ASTE1: variants seen among roughly 807,000 people sequenced by gnomAD.
ASTE1 encodes asteroid structure-specific endonuclease 1.
A neutral mutation model predicts 45.8 loss-of-function variants in ASTE1; 49 were observed. That is an observed-to-expected ratio of 1.07 (90% CI 0.85 to 1.36). ASTE1 has a LOEUF of 1.36. Ranked by LOEUF, ASTE1 falls within the 40% of genes most tolerant of loss-of-function variation. The pLI is 0.00. For missense variants in ASTE1, 709 were observed against 804.0 expected, an observed-to-expected ratio of 0.88 and a Z score of 1.43; for synonymous variants, 296 against 303.9, an observed-to-expected ratio of 0.97 and a Z score of 0.27.
rs1334412545 is a variant in ASTE1 at position 131,014,141 on chromosome 3, CTT to C, written c.1954_1955del (p.Lys652ValfsTer4). ...KNRGRTTAHT[K>X]CWYEGNNRFG... Reference sequence around the variant, plus strand: ...ACCGGTTGTTTCCCTCATACCAACACTTGGTGTGTGCAGTGGTTCTCCCTCTG... The same window carrying C: ...ACCGGTTGTTTCCCTCATACCAACACGGTGTGTGCAGTGGTTCTCCCTCTG... On this transcript the variant is annotated frameshift_variant, in exon 6 of 6. Transcript: ENST00000264992. LOFTEE classifies it low-confidence loss of function (END_TRUNC). 2.5e-6 allele frequency: 4 copies of C among 1,613,704 alleles called. No individual in the cohort carries two copies. In the East Asian group the frequency reaches 8.9e-5, roughly 36 times the overall value.
Position 131,018,641 on chromosome 3 carries a change from T to G in ASTE1, c.1378A>C (p.Thr460Pro). The G allele has an allele frequency of 6.2e-7, 1 of 1,614,084 alleles. No individual in the cohort carries two copies. Among genetic ancestry groups the G allele is most frequent in the Non-Finnish European group, 8.5e-7 (1 of 1,180,002 alleles). The change falls in exon 4 of 6, where the codon ACT becomes CCT. Residue 460 changes from threonine to proline, a missense_variant. By Grantham distance (38) the Thr-to-Pro change is conservative. Transcript: ENST00000264992. Reference protein sequence around the residue: ...VKQTILEPIPTSLKLPIAVSC... With the variant: ...VKQTILEPIPPSLKLPIAVSC... ...ACAGCAATGGGCAACTTCAGTGAAG[T>G]AGGGATTGGCTCCAGAATGGTCTGT... is the stretch of plus-strand genomic sequence containing the variant.
At chr3:131,021,048 G>A (rs968498210) in intron 3 of ASTE1, among the ~76,000 whole-genome samples, 5 of 152,124 alleles carry the variant, frequency 3.3e-5, no homozygotes, top group African/African-American at 9.7e-5. Flanking sequence ...TTTCATGACC[G>A]TGGAGTAGGC....
Position 131,014,049 on chromosome 3 carries a change from A to G in ASTE1, c.*8T>C. On this transcript the variant is annotated 3_prime_UTR_variant, in exon 6 of 6. Transcript: ENST00000264992. ...ATTAAATACATCTAGTTTGATGCAA[A>G]CTGAGTTTTATTCAATGTTGGAGGC... 2 of 1,542,700 alleles carry G rather than the reference A, an allele frequency of 1.3e-6. No homozygotes were observed. Among genetic ancestry groups the G allele is most frequent in the Non-Finnish European group, 1.8e-6 (2 of 1,142,214 alleles).
Position 131,025,204 on chromosome 3 carries a change from G to C in ASTE1, c.103C>G (p.Leu35Val). The C allele has an allele frequency of 6.2e-7, 1 of 1,614,180 alleles. No individual in the cohort carries two copies. The highest frequency in any genetic ancestry group is 8.5e-7 in the Non-Finnish European group (1 of 1,180,036). ...DTKIVIDGYALFHRLCFSSNL... is the reference protein window; with the variant it reads ...DTKIVIDGYAVFHRLCFSSNL... The stretch of plus-strand genomic sequence containing the variant: ...GAACTGAAGCAAAGACGGTGGAAAA[G>C]AGCATAACCATCAATGACAATTTTT... The change falls in exon 3 of 6, where the codon CTT becomes GTT. Residue 35 changes from leucine (L) to valine (V), a missense_variant. Leu to Val is a conservative substitution (Grantham distance 32). Transcript: ENST00000264992.
intron 3 of ASTE1, among the ~76,000 whole-genome samples, chr3:131,020,352 G>T (rs1410991303): frequency 6.6e-6 from 1 of 152,152 alleles, no homozygotes; most frequent in Admixed American, 6.5e-5. Flanking sequence ...TTCCCCAGGG[G>T]GAGCGAAAGC....
intron 3 of ASTE1, among the ~76,000 whole-genome samples, chr3:131,020,233 A>G (rs955488769): frequency 6.6e-5 from 10 of 152,320 alleles, no homozygotes; most frequent in African/African-American, 2.2e-4. Context: ...CTTGTATAAG[A>G]TGTTTCATCA....
chr3:131,015,162 A>C (rs909718402), intron 5 of ASTE1: 10 of 699,624 alleles, frequency 1.4e-5, no homozygotes, highest in Non-Finnish European at 2.3e-5. Context: ...AACACTGTTT[A>C]CTGCCAGGAG....
In ASTE1 at chr3:131,024,350, A is replaced by C; in HGVS notation, c.957T>G (p.Asp319Glu). Residue 319 changes from aspartate (D) to glutamate (E), a missense_variant, in exon 3 of 6, where the codon GAT becomes GAG. By Grantham distance (45) the Asp-to-Glu change is conservative (BLOSUM62 2). Coordinates refer to ENST00000264992, the MANE Select transcript of ASTE1 (RefSeq NM_014065.4). ...ATTCTGGTAAACCAAGATTCAAGGC[A>C]TCTGGACAGACATAAGTACCACACT... ...FFQCGTYVCPDALNLGLPEWV... is the reference protein window; with the variant it reads ...FFQCGTYVCPEALNLGLPEWV... The C allele has an allele frequency of 6.2e-7, 1 of 1,614,264 alleles. No homozygotes were observed. Among genetic ancestry groups the C allele is most frequent in the Non-Finnish European group, 8.5e-7 (1 of 1,180,046 alleles).
intron 3 of ASTE1, among the ~76,000 whole-genome samples, chr3:131,019,161 G>C (rs2063709005): frequency 6.6e-6 from 1 of 152,242 alleles, no homozygotes; most frequent in South Asian, 2.1e-4. Flanking sequence ...GTATGTGCCT[G>C]TGCAACAGGC....
In ASTE1 at chr3:131,014,391, T is replaced by A. The variant is rs1242188390; in HGVS notation, c.1710-4A>T. 6.4e-7 allele frequency: 1 copy of A among 1,556,988 alleles called. No homozygotes were observed. The highest frequency in any genetic ancestry group is 2.1e-5 in the Admixed American group (1 of 47,562). On this transcript the variant is annotated splice_region_variant and splice_polypyrimidine_tract_variant and intron_variant, in intron 5 of 5. Transcript: ENST00000264992. Reference sequence around the variant, plus strand: ...CACCAGGCTTCCACTGTACAGTCTGTTCAAAGCAAGAAAAAAGTATGTTGT... The same window carrying A: ...CACCAGGCTTCCACTGTACAGTCTGATCAAAGCAAGAAAAAAGTATGTTGT...
At position 131,025,250 on chromosome 3, in the gene ASTE1, A is replaced by C; in HGVS notation, c.57T>G (p.Thr19=). The change falls in exon 3 of 6, where the codon ACT becomes ACG. Residue 19 remains threonine, a synonymous_variant. Coordinates refer to ENST00000264992, the MANE Select transcript of ASTE1 (RefSeq NM_014065.4). Reference sequence around the variant, plus strand: ...TTTTTGTGTCCCGCAACTTCAAATCAGTGAAGAACTCATTACTATGATCTT... The same window carrying C: ...TTTTTGTGTCCCGCAACTTCAAATCCGTGAAGAACTCATTACTATGATCTT... ...FVEDHSNEFF[T]DLKLRDTKIV... The C allele has an allele frequency of 3.7e-6, 6 of 1,614,226 alleles. No individual in the cohort carries two copies. The highest frequency in any genetic ancestry group is 5.1e-6 in the Non-Finnish European group (6 of 1,180,034).
rs369290731 is a variant in ASTE1, at chr3:131,024,915, C to A, written c.392G>T (p.Arg131Leu). 1 of 1,613,932 alleles carries A rather than the reference C, an allele frequency of 6.2e-7. No homozygotes were observed. Among genetic ancestry groups the A allele is most frequent in the Non-Finnish European group, 8.5e-7 (1 of 1,179,936 alleles). ...EVFIQVLIKL[R>L]VCFVQCFSEA... The stretch of plus-strand genomic sequence containing the variant: ...TGAAAAGCACTGGACAAAACACACC[C>A]GCAGCTTGATCAAAACCTGTATGAA... The change falls in exon 3 of 6, where the codon CGG becomes CTG. Residue 131 changes from arginine (R) to leucine (L), a missense_variant. By Grantham distance (102) the Arg-to-Leu change is moderately radical (BLOSUM62 -2). Transcript: ENST00000264992.
chr3:131,014,832 CAA>C lies in ASTE1; in HGVS notation c.1710-447_1710-446del, dbSNP rs781773154. 2.6e-5 allele frequency among the ~76,000 whole-genome samples: 4 copies of C among 152,174 alleles called. No homozygotes were observed. The South Asian group carries it at 6.2e-4, about 24-fold the overall frequency. On this transcript the variant is annotated intron_variant, in intron 5 of 5. Transcript: ENST00000264992. The stretch of plus-strand genomic sequence containing the variant: ...AGAAGATGGGATTAATTGGAATCCA[CAA>C]GTTTATTATGGACAAAGCTGATAAA...
rs773953587 is a variant in ASTE1 at position 131,018,653 on chromosome 3, C to G, written c.1366G>C (p.Glu456Gln). The change falls in exon 4 of 6, where the codon GAG (glutamate) becomes CAG (glutamine). Residue 456 changes from glutamate (E) to glutamine (Q), a missense_variant. By Grantham distance (29) the Glu-to-Gln change is conservative (BLOSUM62 2). Coordinates refer to ENST00000264992, the MANE Select transcript of ASTE1 (RefSeq NM_014065.4). Reference protein sequence around the residue: ...ETLKVKQTILEPIPTSLKLPI... With the variant: ...ETLKVKQTILQPIPTSLKLPI... The stretch of plus-strand genomic sequence containing the variant: ...AACTTCAGTGAAGTAGGGATTGGCT[C>G]CAGAATGGTCTGTTTCACCTTCAGG... 84 of 1,613,948 alleles carry G rather than the reference C, an allele frequency of 5.2e-5. No homozygotes were observed. The East Asian group carries it at 1.9e-3, about 36-fold the overall frequency.
At chr3:131,018,915 A>G (rs189023108) in intron 3 of ASTE1, among the ~76,000 whole-genome samples, 199 bp from the exon 4 acceptor site, 201 of 152,284 alleles carry the variant, frequency 1.3e-3, no homozygotes, top group Non-Finnish European at 2.6e-3. Context: ...GGTTGGTTGA[A>G]TGGGTGTACT....
chr3:131,019,179 T>G (rs2063709166), intron 3 of ASTE1, among the ~76,000 whole-genome samples: 1 of 152,266 alleles, frequency 6.6e-6, no homozygotes, highest in African/African-American at 2.4e-5. Context: ...GGCATTTGCC[T>G]TCAGCATGAT....
chr3:131,018,525 A>C lies in ASTE1; in HGVS notation c.1494T>G (p.Ile498Met), dbSNP rs1168919363. ...ACCTACCAGGGCTGTTGATTATGGC[A>C]ATCAAGGGCCCCACTAGCATTGTGA... ...LLLTMLVGPL[I>M]AIINSPGKEE... is the part of the protein sequence containing the mutation. The change falls in exon 4 of 6, where the codon ATT (isoleucine) becomes ATG (methionine). Residue 498 changes from isoleucine to methionine, a missense_variant. By Grantham distance (10) the Ile-to-Met change is conservative (BLOSUM62 1). Transcript: ENST00000264992. 6.2e-7 allele frequency: 1 copy of C among 1,614,122 alleles called. No individual in the cohort carries two copies. Among genetic ancestry groups the C allele is most frequent in the Non-Finnish European group, 8.5e-7 (1 of 1,180,020 alleles).
intron 4 of ASTE1, chr3:131,016,908 G>T: frequency 2.0e-6 from 2 of 977,544 alleles, no homozygotes; most frequent in Non-Finnish European, 2.8e-6. Flanking sequence ...GTTTTTAGCT[G>T]TAAGTTTCTA....
At chr3:131,015,170 G>A (rs989566724) in intron 5 of ASTE1, 1 of 700,622 alleles carries the variant, frequency 1.4e-6, no homozygotes, top group Non-Finnish European at 2.6e-6. Context: ...TTACTGCCAG[G>A]AGGCTTTTTA....
Sources: gnomAD v4.1 joint callset for allele counts (sites outside exome capture counted in the v4.1 genomes callset) on GRCh38, gnomAD v4.1.1 for gene constraint, MANE v1.5 for transcripts, NCBI Gene and HGNC (gene_info 2026-07-23, HGNC 2026-07-21) for gene names.